Variants in CPEB3 observed in about 807,000 individuals in gnomAD.
The protein encoded by CPEB3 is cytoplasmic polyadenylation element-binding protein 3.
CPEB3 carries 20 observed loss-of-function variants against 67.2 expected under a neutral mutation model. That is an observed-to-expected ratio of 0.30 (90% CI 0.21 to 0.43). The LOEUF (loss-of-function observed/expected upper bound fraction) is 0.43, where lower values mean the gene tolerates loss of function less well. Ranked by LOEUF, CPEB3 falls within the 20% of genes least tolerant of loss-of-function variation. The pLI, the probability that CPEB3 is intolerant of heterozygous loss-of-function variation, is 1.00. For synonymous variants in CPEB3, 376 were observed against 393.1 expected (o/e 0.96, Z 0.51); for missense variants, 746 against 968.6 (o/e 0.77, Z 3.05).
chr10:92,195,596 G>A (rs993943577), intron 2 of CPEB3, among the ~76,000 whole-genome samples: 5 of 152,140 alleles, frequency 3.3e-5, no homozygotes, highest in Non-Finnish European at 7.3e-5. Flanking sequence ...GAATTATCTA[G>A]GAGCCCTCTA....
intron 6 of CPEB3, among the ~76,000 whole-genome samples, chr10:92,124,055 A>C (rs1845508195): frequency 6.6e-6 from 1 of 152,150 alleles, no homozygotes; most frequent in Non-Finnish European, 1.5e-5. Flanking sequence ...CAGTCTGCCA[A>C]ATTTCCACCT....
At chr10:92,161,072 T>C (rs1847450256) in intron 4 of CPEB3, among the ~76,000 whole-genome samples, 1 of 152,094 alleles carries the variant, frequency 6.6e-6, no homozygotes, top group African/African-American at 2.4e-5. Context: ...AGACAGGGTT[T>C]CACCATGTCA....
At chr10:92,276,277 C>CTTTTTTT (rs769749643) in intron 1 of CPEB3, among the ~76,000 whole-genome samples, 4 of 108,252 alleles carry the variant, frequency 3.7e-5, no homozygotes, top group East Asian at 2.5e-4. Flanking sequence ...TTTTTCTTTT[C>CTTTTTTT]TTTTTTTTTT....
At chr10:92,182,892 G>C (rs1200833540) in intron 3 of CPEB3, among the ~76,000 whole-genome samples, 1 of 150,976 alleles carries the variant, frequency 6.6e-6, no homozygotes, top group Non-Finnish European at 1.5e-5. Context: ...CACTTATATT[G>C]GTGTGTATGT....
chr10:92,257,365 G>A (rs1264108532), intron 1 of CPEB3, among the ~76,000 whole-genome samples: 1 of 152,144 alleles, frequency 6.6e-6, no homozygotes, highest in African/African-American at 2.4e-5. Context: ...TACCATCAGA[G>A]CTCACTGCAG....
At chr10:92,164,691 G>A (rs904615385) in intron 4 of CPEB3, among the ~76,000 whole-genome samples, 6 of 152,024 alleles carry the variant, frequency 3.9e-5, no homozygotes, top group South Asian at 4.1e-4. Flanking sequence ...TTCACCAGTC[G>A]GTAAACATTT....
At chr10:92,054,446 G>A (rs898582398) in intron 9 of CPEB3, among the ~76,000 whole-genome samples, 3 of 149,096 alleles carry the variant, frequency 2.0e-5, no homozygotes, top group Non-Finnish European at 3.0e-5. Flanking sequence ...TTTTTGAGAC[G>A]GCGTCTCACT....
At chr10:92,199,433 C>T (rs1180448167) in intron 2 of CPEB3, among the ~76,000 whole-genome samples, 2 of 150,084 alleles carry the variant, frequency 1.3e-5, no homozygotes, top group Admixed American at 6.7e-5. Flanking sequence ...TGGCTCATGC[C>T]TATAATCCCA....
At chr10:92,057,323 T>C (rs1394936689) in intron 9 of CPEB3, among the ~76,000 whole-genome samples, 1 of 152,194 alleles carries the variant, frequency 6.6e-6, no homozygotes, top group African/African-American at 2.4e-5. Flanking sequence ...GTACTTCTCA[T>C]GGCTTGGGGT....
At chr10:92,128,054 C>T (rs901814800) in intron 6 of CPEB3, among the ~76,000 whole-genome samples, 1 of 152,160 alleles carries the variant, frequency 6.6e-6, no homozygotes, top group Non-Finnish European at 1.5e-5. Context: ...AAACTTCATA[C>T]AGAAAATTGC....
chr10:92,260,423 C>A (rs146376015), intron 1 of CPEB3, among the ~76,000 whole-genome samples: 4 of 151,244 alleles, frequency 2.6e-5, no homozygotes, highest in Non-Finnish European at 5.9e-5. Context: ...TGGTGGCATG[C>A]GCCTGTAATC....
At chr10:92,145,495 G>A (rs1846635274) in intron 4 of CPEB3, among the ~76,000 whole-genome samples, 1 of 152,242 alleles carries the variant, frequency 6.6e-6, no homozygotes, top group East Asian at 1.9e-4. Context: ...CGGACATGGT[G>A]GTGCATGCAT....
At chr10:92,090,905 C>T (rs563769442) in intron 8 of CPEB3, among the ~76,000 whole-genome samples, 6 of 152,280 alleles carry the variant, frequency 3.9e-5, no homozygotes, top group Admixed American at 3.9e-4. Context: ...AAGACCCAAT[C>T]AGAACAAATA....
At chr10:92,193,192 A>G (rs1849065029) in intron 2 of CPEB3, among the ~76,000 whole-genome samples, 1 of 152,156 alleles carries the variant, frequency 6.6e-6, no homozygotes, top group Admixed American at 6.5e-5. Flanking sequence ...AGCCTGGATG[A>G]CAGAGCAAGA....
intron 2 of CPEB3, among the ~76,000 whole-genome samples, chr10:92,215,151 A>ATTT (rs79149383): frequency 2.4e-5 from 3 of 123,168 alleles, no homozygotes; most frequent in African/African-American, 3.0e-5. Context: ...CCAAGCCAAG[A>ATTT]TTTTTTTTTT....
chr10:92,112,293 C>T (rs924458598), intron 6 of CPEB3, among the ~76,000 whole-genome samples: 4 of 151,808 alleles, frequency 2.6e-5, no homozygotes, highest in South Asian at 4.2e-4. Context: ...TACAGGCGCC[C>T]GCCACCACAT....
chr10:92,125,691 C>T (rs1346572989), intron 6 of CPEB3, among the ~76,000 whole-genome samples: 1 of 151,936 alleles, frequency 6.6e-6, no homozygotes, highest in Non-Finnish European at 1.5e-5. Flanking sequence ...TTCCTAGTGG[C>T]CACATTCACA....
chr10:92,150,426 T>TC (rs1846909443), intron 4 of CPEB3, among the ~76,000 whole-genome samples: 1 of 152,128 alleles, frequency 6.6e-6, no homozygotes, highest in Non-Finnish European at 1.5e-5. Flanking sequence ...GAAGGACTAT[T>TC]CCGTTAATAA....
chr10:92,191,539 A>C (rs963171745), intron 3 of CPEB3, among the ~76,000 whole-genome samples: 3 of 152,176 alleles, frequency 2.0e-5, no homozygotes, highest in African/African-American at 7.2e-5. Flanking sequence ...ATGATGAAAG[A>C]GATTTCTGGT....
Sources: allele counts gnomAD v4.1 joint callset (sites outside exome capture counted in the v4.1 genomes callset), GRCh38; gene constraint gnomAD v4.1.1; transcripts MANE v1.5; gene names NCBI Gene and HGNC (gene_info 2026-07-23, HGNC 2026-07-21).